CNNM2: variants seen among roughly 807,000 people sequenced by gnomAD.
CNNM2 encodes the protein cyclin and CBS domain divalent metal cation transport mediator 2.
In CNNM2, 12 loss-of-function variants were observed where a neutral mutation model predicts 66.9. The ratio of observed to expected loss-of-function variants is 0.18; its 90% CI spans 0.11 to 0.29. CNNM2 has a LOEUF of 0.29. Ranked by LOEUF, CNNM2 falls within the 10% of genes least tolerant of loss-of-function variation. CNNM2 has a pLI of 1.00. For synonymous variants in CNNM2, 557 were observed against 501.8 expected (o/e 1.11, Z -1.47); for missense variants, 705 against 1,167.7 (o/e 0.60, Z 5.77).
intron 1 of CNNM2, among the ~76,000 whole-genome samples, chr10:102,947,332 C>T (rs760227159): frequency 6.6e-4 from 100 of 152,172 alleles, no homozygotes; most frequent in Middle Eastern, 3.4e-3. Context: ...TAATTTGAAA[C>T]GACTTTGTTT....
chr10:102,920,166 T>C, intron 1 of CNNM2, 65 bp downstream of exon 1: 1 of 1,613,094 alleles, frequency 6.2e-7, no homozygotes, highest in Non-Finnish European at 8.5e-7. Context: ...CCTACTTGAG[T>C]CCTCTACCCT....
Position 103,089,954 on chromosome 10 carries a change from T to C in CNNM2, c.*12774T>C, listed in dbSNP as rs1430003668. On this transcript the variant is annotated 3_prime_UTR_variant, in exon 8 of 8. Transcript: ENST00000369878. Reference sequence around the variant, plus strand: ...GGCTCAGAAAGCAGGCAGAGCAAAGTAGCTACTCCCCAAATCCTAACCCCT... The same window carrying C: ...GGCTCAGAAAGCAGGCAGAGCAAAGCAGCTACTCCCCAAATCCTAACCCCT... 6.7e-7 allele frequency: 1 copy of C among 1,501,936 alleles called. No individual in the cohort carries two copies. Among genetic ancestry groups the C allele is most frequent in the South Asian group, 1.3e-5 (1 of 77,068 alleles). The allele number at this position is 1,501,936 out of a possible 1,614,324, so 93.0% of individuals were successfully genotyped here. A position where few individuals can be genotyped will look rare whatever the true frequency, so the allele number is the denominator to read the frequency against.
intron 1 of CNNM2, among the ~76,000 whole-genome samples, chr10:103,035,569 G>C (rs890558651): frequency 6.6e-6 from 1 of 152,176 alleles, no homozygotes; most frequent in Non-Finnish European, 1.5e-5. Context: ...TGTTCTGTTG[G>C]TTCATGAGAT....
chr10:102,995,172 C>CTTT (rs1564836976), intron 1 of CNNM2, among the ~76,000 whole-genome samples: 1 of 5,026 alleles, frequency 2.0e-4, no homozygotes, highest in Non-Finnish European at 5.4e-4. Flanking sequence ...TCCTCCTCCC[C>CTTT]CTCTTCCTCC....
rs571013357 is a variant in CNNM2, at chr10:103,086,841, T to C, written c.*9661T>C. 6.6e-6 allele frequency: 1 copy of C among 152,326 alleles called. No homozygotes were observed. The highest frequency in any genetic ancestry group is 2.4e-5 in the African/African-American group (1 of 41,574). 9.4% of individuals were successfully genotyped at this position (152,326 alleles called of 1,614,324 possible). A position where few individuals can be genotyped will look rare whatever the true frequency, so the allele number is the denominator to read the frequency against. ...AACTTTCTTGGCTGTGACCAACTTT[T>C]CTGAAGTACACCATCAGAGTTTTCA... On this transcript the variant is annotated 3_prime_UTR_variant, in exon 8 of 8. Transcript: ENST00000369878.
intron 1 of CNNM2, among the ~76,000 whole-genome samples, chr10:102,978,147 G>T (rs1163124135): frequency 1.3e-5 from 2 of 151,288 alleles, no homozygotes; most frequent in Non-Finnish European, 2.9e-5. Flanking sequence ...CTGACCTCGT[G>T]ATCCACCCGC....
At chr10:103,059,051 G>A (rs1316392555) in intron 4 of CNNM2, among the ~76,000 whole-genome samples, 1 of 152,094 alleles carries the variant, frequency 6.6e-6, no homozygotes, top group Non-Finnish European at 1.5e-5. Flanking sequence ...TTGGCTCACC[G>A]CAACCTCTGC....
chr10:103,004,383 G>A (rs1210578802), intron 1 of CNNM2, among the ~76,000 whole-genome samples: 2 of 152,150 alleles, frequency 1.3e-5, no homozygotes, highest in African/African-American at 4.8e-5. Context: ...ATTATGAATA[G>A]TGTTGCTATG....
intron 2 of CNNM2, among the ~76,000 whole-genome samples, chr10:103,052,815 C>T (rs1186206446): frequency 6.6e-6 from 1 of 152,168 alleles, no homozygotes; most frequent in African/African-American, 2.4e-5. Flanking sequence ...TGGCCGATTT[C>T]AGGTATATTC....
chr10:103,072,116 C>T (rs1364973847), intron 6 of CNNM2, among the ~76,000 whole-genome samples: 1 of 152,120 alleles, frequency 6.6e-6, no homozygotes, highest in Non-Finnish European at 1.5e-5. Context: ...TGTTAGCGCT[C>T]CCTGCCCTTG....
At chr10:103,018,135 T>C (rs1271430824) in intron 1 of CNNM2, among the ~76,000 whole-genome samples, 1 of 152,014 alleles carries the variant, frequency 6.6e-6, no homozygotes, top group African/African-American at 2.4e-5. Context: ...AAGGACTTAC[T>C]GTGGAGAGCA....
intron 1 of CNNM2, among the ~76,000 whole-genome samples, chr10:103,012,775 A>G (rs1422488516): frequency 2.0e-5 from 3 of 151,734 alleles, no homozygotes; most frequent in Non-Finnish European, 4.4e-5. Context: ...TCTGTACCAC[A>G]CTGGCTAGAG....
chr10:103,055,606 TTTTC>T (rs1334859728), intron 3 of CNNM2, among the ~76,000 whole-genome samples: 1 of 152,206 alleles, frequency 6.6e-6, no homozygotes, highest in East Asian at 1.9e-4. Flanking sequence ...ATAGATAAGT[TTTTC>T]TTTCTTCTTT....
intron 2 of CNNM2, among the ~76,000 whole-genome samples, chr10:103,053,930 T>G (rs1267909396): frequency 1.3e-5 from 2 of 152,196 alleles, no homozygotes; most frequent in Non-Finnish European, 2.9e-5. Context: ...ACAGTGGTGG[T>G]CCTTTGCTGG....
At chr10:102,926,691 G>A (rs1299273647) in intron 1 of CNNM2, among the ~76,000 whole-genome samples, 5 of 150,858 alleles carry the variant, frequency 3.3e-5, no homozygotes, top group Non-Finnish European at 7.4e-5. Flanking sequence ...GACCACAGGC[G>A]TGTGCCACCA....
intron 1 of CNNM2, among the ~76,000 whole-genome samples, chr10:103,042,494 C>T (rs2065060142): frequency 6.6e-6 from 1 of 152,122 alleles, no homozygotes; most frequent in Non-Finnish European, 1.5e-5. Flanking sequence ...ATTAGTTTTC[C>T]CAGAGTCTGC....
intron 1 of CNNM2, among the ~76,000 whole-genome samples, chr10:102,932,965 C>T (rs1846117261): frequency 6.6e-6 from 1 of 150,402 alleles, no homozygotes; most frequent in Non-Finnish European, 1.5e-5. Context: ...GAGTTTACTT[C>T]TGAACCTTAA....
intron 1 of CNNM2, among the ~76,000 whole-genome samples, chr10:102,994,975 G>C (rs996387325): frequency 6.6e-6 from 1 of 152,024 alleles, no homozygotes; most frequent in Non-Finnish European, 1.5e-5. Flanking sequence ...AATGCCAATC[G>C]ACCAAATGTT....
rs1845909085 is a variant in CNNM2, at chr10:102,927,438, C to G, written c.1621+7337C>G. On this transcript the variant is annotated intron_variant, in intron 1 of 7. Transcript: ENST00000369878. The stretch of plus-strand genomic sequence containing the variant: ...TTCAACATCACAGACATTGGCAACT[C>G]TAGGATGTCTATACAGAGGGATAAA... 1.6e-5 allele frequency: 26 copies of G among 1,611,138 alleles called. No individual in the cohort carries two copies. In the South Asian group the frequency reaches 2.6e-4, roughly 16 times the overall value.
Sources: gnomAD v4.1 joint callset for allele counts (sites outside exome capture counted in the v4.1 genomes callset) on GRCh38, gnomAD v4.1.1 for gene constraint, MANE v1.5 for transcripts, NCBI Gene and HGNC (gene_info 2026-07-23, HGNC 2026-07-21) for gene names.